Variants in ELMO1 observed in about 807,000 individuals in gnomAD.
The protein encoded by ELMO1 is engulfment and cell motility protein 1.
A neutral mutation model predicts 98.9 loss-of-function variants in ELMO1; 26 were observed. The ratio of observed to expected loss-of-function variants is 0.26; its 90% confidence interval spans 0.19 to 0.36. ELMO1 has a LOEUF of 0.36. Among genes scored for constraint, ELMO1 ranks in the 10% least tolerant of loss-of-function variants. The pLI is 1.00. For missense variants in ELMO1, 627 were observed against 935.2 expected, an observed-to-expected ratio of 0.67 and a Z score of 4.30; for synonymous variants, 346 against 346.0, an observed-to-expected ratio of 1.00 and a Z score of 0.00.
In ELMO1 at chr7:37,373,584, G is replaced by A. The variant is rs547052241; in HGVS notation, c.-73-30821C>T. Among the ~76,000 whole-genome samples the A allele has an allele frequency of 6.6e-5, 10 of 151,574 alleles. No individual in the cohort carries two copies. The East Asian group carries it at 9.6e-4, about 15-fold the overall frequency. On this transcript the variant is annotated intron_variant, in intron 1 of 21. Coordinates refer to ENST00000310758, the MANE Select transcript of ELMO1 (RefSeq NM_014800.11). ...AGATCATCCCACTGCACTCCAGCCTGGATGATAGAGCAAGACTCCATCTCA... is the reference window on the plus strand; with the variant it reads ...AGATCATCCCACTGCACTCCAGCCTAGATGATAGAGCAAGACTCCATCTCA...
intron 5 of ELMO1, among the ~76,000 whole-genome samples, chr7:37,260,564 C>T (rs1795928057): frequency 6.6e-6 from 1 of 152,170 alleles, no homozygotes; most frequent in Non-Finnish European, 1.5e-5. Flanking sequence ...GCCCTCCCTC[C>T]CTGCCCAGTT....
intron 1 of ELMO1, among the ~76,000 whole-genome samples, chr7:37,389,282 G>A (rs536377351): frequency 1.3e-5 from 2 of 152,162 alleles, no homozygotes; most frequent in Admixed American, 1.3e-4. Context: ...TAGCCTTCAC[G>A]CTGGGTTTCA....
At chr7:36,907,514 G>C (rs2129063003) in intron 16 of ELMO1, among the ~76,000 whole-genome samples, 2 of 152,232 alleles carry the variant, frequency 1.3e-5, no homozygotes, top group Middle Eastern at 6.8e-3. Flanking sequence ...GCAAAACCTG[G>C]ACAGTTCCTC....
intron 16 of ELMO1, among the ~76,000 whole-genome samples, chr7:36,923,475 T>G (rs549199647): frequency 3.3e-5 from 5 of 152,302 alleles, no homozygotes; most frequent in African/African-American, 9.6e-5. Flanking sequence ...ATTGGTTGGA[T>G]CCACAGGATC....
intron 13 of ELMO1, among the ~76,000 whole-genome samples, chr7:37,174,447 G>A (rs746231490): frequency 5.9e-5 from 9 of 152,138 alleles, no homozygotes; most frequent in Non-Finnish European, 7.4e-5. Flanking sequence ...AACAGCCGAC[G>A]CAGGCATTGT....
intron 16 of ELMO1, among the ~76,000 whole-genome samples, chr7:37,010,535 C>A (rs1015997381): frequency 2.6e-5 from 4 of 152,182 alleles, no homozygotes; most frequent in Non-Finnish European, 5.9e-5. Flanking sequence ...CTGAGAAGGA[C>A]TCAAGCTGTC....
At chr7:36,939,892 T>C (rs148061181) in intron 16 of ELMO1, among the ~76,000 whole-genome samples, 1 of 152,344 alleles carries the variant, frequency 6.6e-6, no homozygotes, top group Non-Finnish European at 1.5e-5. Context: ...TTCACAACAC[T>C]GTATGCTCCT....
At chr7:37,166,796 G>GA (rs1789729695) in intron 13 of ELMO1, among the ~76,000 whole-genome samples, 1 of 152,122 alleles carries the variant, frequency 6.6e-6, no homozygotes, top group African/African-American at 2.4e-5. Context: ...GTGTGGTGCT[G>GA]AAAAAAATGT....
rs183059575 is a variant in ELMO1, at chr7:37,191,324, G to T, written c.1086+20062C>A. ...AATGATTCTGATTACCTACATTTCT[G>T]AATTCTCTGTGGTAAGCCCAACTAA... On this transcript the variant is annotated intron_variant, in intron 13 of 21. Transcript: ENST00000310758. 1.7e-3 allele frequency among the ~76,000 whole-genome samples: 250 copies of T among 151,462 alleles called. 2 individuals carry two copies. Among genetic ancestry groups the T allele is most frequent in the Admixed American group, 2.3e-3 (35 of 15,218 alleles).
In ELMO1 at chr7:36,916,736, T is replaced by C. The variant is rs572282254; in HGVS notation, c.1438-21719A>G. Among the ~76,000 whole-genome samples, 23 of 152,362 alleles carry C rather than the reference T, an allele frequency of 1.5e-4. 1 individual carries two copies. The South Asian group carries it at 2.5e-3, about 16-fold the overall frequency. On this transcript the variant is annotated intron_variant, in intron 16 of 21. Coordinates refer to ENST00000310758, the MANE Select transcript of ELMO1 (RefSeq NM_014800.11). ...GTTTCCACCCTCATTCCTCTTACAC[T>C]GCCTATCAAACACTTGAGCTGCATC...
At chr7:37,106,441 C>T (rs1319924900) in intron 14 of ELMO1, among the ~76,000 whole-genome samples, 1 of 152,124 alleles carries the variant, frequency 6.6e-6, no homozygotes, top group African/African-American at 2.4e-5. Flanking sequence ...GGATGCAGCG[C>T]CAAGGTACCA....
At chr7:37,395,190 AC>A (rs1388172124) in intron 1 of ELMO1, among the ~76,000 whole-genome samples, 2 of 151,742 alleles carry the variant, frequency 1.3e-5, no homozygotes, top group Non-Finnish European at 2.9e-5. Context: ...ACATGGAGAA[AC>A]CCCGTCTCTA....
At chr7:37,360,863 T>C (rs1209129977) in intron 1 of ELMO1, among the ~76,000 whole-genome samples, 1 of 152,198 alleles carries the variant, frequency 6.6e-6, no homozygotes, top group Non-Finnish European at 1.5e-5. Flanking sequence ...AATAGTTTAA[T>C]AATATATGGC....
intron 13 of ELMO1, among the ~76,000 whole-genome samples, chr7:37,178,109 T>TG (rs1790595251): frequency 6.6e-6 from 1 of 151,898 alleles, no homozygotes; most frequent in Non-Finnish European, 1.5e-5. Flanking sequence ...AGTATGTTAG[T>TG]CCGTTTTCAT....
At chr7:36,866,511 T>G (rs1442503725) in intron 20 of ELMO1, among the ~76,000 whole-genome samples, 4 of 152,176 alleles carry the variant, frequency 2.6e-5, no homozygotes, top group Non-Finnish European at 4.4e-5. Flanking sequence ...AATAGACACC[T>G]CAAGGGAAAG....
In ELMO1 at chr7:37,124,922, T is replaced by G. The variant is rs11979739; in HGVS notation, c.1191+8208A>C. Among the ~76,000 whole-genome samples, 52 of 152,342 alleles carry G rather than the reference T, an allele frequency of 3.4e-4. No homozygotes were observed. The South Asian group carries it at 9.9e-3, about 29-fold the overall frequency. On this transcript the variant is annotated intron_variant, in intron 14 of 21. Coordinates refer to ENST00000310758, the MANE Select transcript of ELMO1 (RefSeq NM_014800.11). ...TACAGTAACCAAAACAGCATGGTAC[T>G]GGTACCAAAACAGAGATATAGATCA...
At chr7:37,171,481 C>CTTTT (rs71553100) in intron 13 of ELMO1, among the ~76,000 whole-genome samples, 1,473 of 43,862 alleles carry the variant, frequency 0.034, 63 homozygotes, top group Middle Eastern at 0.043. Flanking sequence ...CCAGGCCTTT[C>CTTTT]TATTTTTTTT....
intron 18 of ELMO1, among the ~76,000 whole-genome samples, chr7:36,884,296 G>A (rs1248252652): frequency 2.1e-5 from 3 of 145,206 alleles, no homozygotes; most frequent in Non-Finnish European, 4.5e-5. Context: ...CAGCCTGGGT[G>A]ACAGAGCGAG....
intron 1 of ELMO1, among the ~76,000 whole-genome samples, chr7:37,371,796 T>C (rs1037900109): frequency 6.6e-6 from 1 of 152,200 alleles, no homozygotes; most frequent in African/African-American, 2.4e-5. Context: ...GAATTCCCTC[T>C]TCTCACTCAT....
Sources: gnomAD v4.1 joint callset for allele counts (sites outside exome capture counted in the v4.1 genomes callset) on GRCh38, gnomAD v4.1.1 for gene constraint, MANE v1.5 for transcripts, NCBI Gene and HGNC (gene_info 2026-07-23, HGNC 2026-07-21) for gene names.